Variants in TMEM45B observed in about 807,000 individuals in gnomAD.
TMEM45B encodes the protein transmembrane protein 45B.
A neutral mutation model predicts 27.3 loss-of-function variants in TMEM45B; 29 were observed. The ratio of observed to expected loss-of-function variants is 1.06; its 90% CI spans 0.79 to 1.45. The LOEUF is 1.45. TMEM45B is among the 40% of genes most tolerant of loss of function. The probability of loss-of-function intolerance (pLI) is 0.00; values close to 1 mark genes in which losing one functional copy is unlikely to be tolerated. For missense variants in TMEM45B, 348 were observed against 343.9 expected (o/e 1.01, Z -0.09); for synonymous variants, 143 against 134.7 (o/e 1.06, Z -0.43).
At chr11:129,849,083 C>T (rs1947807982) in intron 1 of TMEM45B, among the ~76,000 whole-genome samples, 1 of 152,202 alleles carries the variant, frequency 6.6e-6, no homozygotes, top group Admixed American at 6.5e-5. Context: ...ATTCATTCCA[C>T]CACAATTGCC....
intron 1 of TMEM45B, among the ~76,000 whole-genome samples, chr11:129,837,225 T>A (rs1301543076): frequency 1.3e-5 from 2 of 151,958 alleles, no homozygotes; most frequent in African/African-American, 2.4e-5. Context: ...CGGGCTGGTC[T>A]CTACCACGTG....
rs189815167 is a variant in TMEM45B at position 129,839,264 on chromosome 11, T to A, written c.-8-13211T>A. ...TTTAATACTAGGCCATAGCAGCAGA[T>A]CAGCTGGGGATTTAATAGGGAGATT... On this transcript the variant is annotated intron_variant, in intron 1 of 5. Transcript: ENST00000281441. Among the ~76,000 whole-genome samples the A allele has an allele frequency of 1.3e-3, 195 of 152,224 alleles. 1 individual carries two copies. The highest frequency in any genetic ancestry group is 2.2e-3 in the Non-Finnish European group (152 of 68,022).
chr11:129,847,327 C>G (rs1591447187), intron 1 of TMEM45B, among the ~76,000 whole-genome samples: 2 of 152,214 alleles, frequency 1.3e-5, no homozygotes, highest in African/African-American at 4.8e-5. Flanking sequence ...GAACATGAGG[C>G]TGTTGCTTTT....
intron 1 of TMEM45B, among the ~76,000 whole-genome samples, chr11:129,817,008 A>G (rs1181256564): frequency 7.3e-5 from 11 of 151,630 alleles, no homozygotes; most frequent in Admixed American, 3.3e-4. Flanking sequence ...AGCCTCCCAA[A>G]GTGCTGGGAT....
chr11:129,843,786 A>G (rs1947725583), intron 1 of TMEM45B, among the ~76,000 whole-genome samples: 1 of 152,208 alleles, frequency 6.6e-6, no homozygotes, highest in Non-Finnish European at 1.5e-5. Context: ...AAATCAAAAC[A>G]AAAAACAAAA....
rs549535496 is a variant in TMEM45B, at chr11:129,834,248, T to C, written c.-8-18227T>C. On this transcript the variant is annotated intron_variant, in intron 1 of 5. Transcript: ENST00000281441. ...GAGTTCGAGACCAGCCTGGCCAACA[T>C]GGTGAAACCCCATCTCTACTAAAAA... Among the ~76,000 whole-genome samples the C allele has an allele frequency of 3.4e-3, 522 of 152,030 alleles. 2 individuals carry two copies. The highest frequency in any genetic ancestry group is 6.1e-3 in the Non-Finnish European group (413 of 67,982).
At chr11:129,834,579 G>A (rs1018311924) in intron 1 of TMEM45B, among the ~76,000 whole-genome samples, 1 of 152,018 alleles carries the variant, frequency 6.6e-6, no homozygotes, top group African/African-American at 2.4e-5. Flanking sequence ...GGGAGGCCAA[G>A]ACATGTGGAT....
intron 1 of TMEM45B, among the ~76,000 whole-genome samples, chr11:129,846,861 C>T (rs1020945645): frequency 9.2e-5 from 14 of 152,178 alleles, no homozygotes; most frequent in Non-Finnish European, 1.5e-4. Flanking sequence ...CTAGAAGCCA[C>T]AGACAGTGCA....
intron 1 of TMEM45B, among the ~76,000 whole-genome samples, chr11:129,834,026 C>T (rs1339435892): frequency 3.9e-5 from 6 of 152,178 alleles, no homozygotes; most frequent in Admixed American, 6.5e-5. Flanking sequence ...CAAGAAATAG[C>T]GTGCTGTTGA....
At chr11:129,830,442 T>C (rs1393885143) in intron 1 of TMEM45B, among the ~76,000 whole-genome samples, 1 of 152,202 alleles carries the variant, frequency 6.6e-6, no homozygotes, top group African/African-American at 2.4e-5. Context: ...AGTGGTTTCT[T>C]GGATATAACA....
chr11:129,838,317 C>T (rs1312716477), intron 1 of TMEM45B, among the ~76,000 whole-genome samples: 2 of 152,072 alleles, frequency 1.3e-5, no homozygotes, highest in East Asian at 3.9e-4. Context: ...TGTCCCCGGT[C>T]TCCACCCAGA....
chr11:129,855,686 G>C (rs750774015), intron 3 of TMEM45B, 22 bp from the exon 4 acceptor site: 2 of 1,613,358 alleles, frequency 1.2e-6, no homozygotes, highest in East Asian at 2.2e-5. Context: ...AGCCCTGACA[G>C]CTGCCATCTG....
intron 1 of TMEM45B, among the ~76,000 whole-genome samples, chr11:129,832,647 A>G (rs1947564403): frequency 6.6e-6 from 1 of 152,008 alleles, no homozygotes; most frequent in African/African-American, 2.4e-5. Context: ...ATAAAATTAG[A>G]TAGCAATAAT....
intron 2 of TMEM45B, among the ~76,000 whole-genome samples, chr11:129,854,343 T>C (rs1947889553): frequency 1.3e-5 from 2 of 152,202 alleles, no homozygotes; most frequent in African/African-American, 2.4e-5. Flanking sequence ...TCTATGTGTG[T>C]GTGGTTGTGT....
At chr11:129,852,232 C>T (rs563265243) in intron 1 of TMEM45B, among the ~76,000 whole-genome samples, 1 of 149,728 alleles carries the variant, frequency 6.7e-6, no homozygotes, top group South Asian at 2.2e-4. Context: ...TCCCCACCCT[C>T]ATCCTTTTAT....
intron 1 of TMEM45B, among the ~76,000 whole-genome samples, chr11:129,825,122 G>A (rs1045299564): frequency 6.6e-6 from 1 of 152,182 alleles, no homozygotes; most frequent in African/African-American, 2.4e-5. Context: ...TGGCTGCGGG[G>A]TGGAAGAAGA....
intron 1 of TMEM45B, among the ~76,000 whole-genome samples, chr11:129,843,665 A>G (rs1947723913): frequency 6.6e-6 from 1 of 152,212 alleles, no homozygotes; most frequent in Non-Finnish European, 1.5e-5. Flanking sequence ...AAGACATACA[A>G]TGGCCAAGTG....
At chr11:129,828,923 T>C (rs1947517314) in intron 1 of TMEM45B, among the ~76,000 whole-genome samples, 1 of 152,190 alleles carries the variant, frequency 6.6e-6, no homozygotes, top group South Asian at 2.1e-4. Flanking sequence ...AATATGTTCT[T>C]CTAGGAGAGA....
At chr11:129,854,890 A>G in intron 3 of TMEM45B, 74 bp downstream of exon 3, 2 of 1,543,560 alleles carry the variant, frequency 1.3e-6, no homozygotes, top group Non-Finnish European at 1.8e-6. Flanking sequence ...AGTACAAAAT[A>G]TCAGAAATGT....
Sources: allele counts gnomAD v4.1 joint callset (sites outside exome capture counted in the v4.1 genomes callset), GRCh38; gene constraint gnomAD v4.1.1; transcripts MANE v1.5; gene names NCBI Gene and HGNC (gene_info 2026-07-23, HGNC 2026-07-21).